Variants in RBM17 observed in about 807,000 individuals in gnomAD.
RBM17 encodes the protein RNA binding motif protein 17.
RBM17 carries 7 observed loss-of-function variants against 53.2 expected under a neutral mutation model. The ratio of observed to expected loss-of-function variants is 0.13; its 90% CI spans 0.07 to 0.25. The LOEUF (loss-of-function observed/expected upper bound fraction) is 0.25. RBM17 is among the 10% of genes least tolerant of loss of function. RBM17 has a pLI of 1.00. For missense variants in RBM17, 257 were observed against 496.7 expected (o/e 0.52, Z 4.59); for synonymous variants, 167 against 178.1 (o/e 0.94, Z 0.50).
intron 5 of RBM17, among the ~76,000 whole-genome samples, chr10:6,108,254 C>T (rs529346185): frequency 2.0e-5 from 3 of 152,224 alleles, no homozygotes; most frequent in African/African-American, 7.2e-5. Flanking sequence ...TGATCATTCT[C>T]TTATTTGTAA....
chr10:6,096,128 A>C (rs1165083433), intron 1 of RBM17, among the ~76,000 whole-genome samples: 7 of 152,110 alleles, frequency 4.6e-5, no homozygotes, highest in African/African-American at 1.7e-4. Flanking sequence ...TGTCTGTGAG[A>C]TTGATTTCTT....
rs1280187231 is a variant in RBM17 at position 6,105,169 on chromosome 10, G to A, written c.407+72G>A. 32 of 1,399,856 alleles carry A rather than the reference G, an allele frequency of 2.3e-5. 1 individual carries two copies. The South Asian group carries it at 3.3e-4, about 14-fold the overall frequency. 86.7% of individuals were successfully genotyped at this position (1,399,856 alleles called of 1,614,324 possible). On this transcript the variant is annotated intron_variant, in intron 4 of 11. Coordinates refer to ENST00000379888, the MANE Select transcript of RBM17 (RefSeq NM_032905.5). Reference sequence around the variant, plus strand: ...ATTAAAATGTTAACGAATGAGCGTCGCTGCTGTCTGTAAGGCTGAAGTTAA... The same window carrying A: ...ATTAAAATGTTAACGAATGAGCGTCACTGCTGTCTGTAAGGCTGAAGTTAA...
intron 1 of RBM17, among the ~76,000 whole-genome samples, chr10:6,095,872 G>C (rs561939909): frequency 6.6e-6 from 1 of 152,240 alleles, no homozygotes; most frequent in African/African-American, 2.4e-5. Flanking sequence ...GAGCTGAGAA[G>C]TAAGAGTACC....
At chr10:6,101,661 A>AT (rs1312931256) in intron 3 of RBM17, among the ~76,000 whole-genome samples, 1 of 152,132 alleles carries the variant, frequency 6.6e-6, no homozygotes, top group Non-Finnish European at 1.5e-5. Flanking sequence ...AAAACGTAAT[A>AT]TTTTTCCATC....
rs1840439968 is a variant in RBM17 at position 6,089,261 on chromosome 10, GA to G, written c.-19+69del. ...ACCTGAGGCGGGCGCGCCTTCCCGG[GA>G]GGCGCTAGACGCAAGCCCGCGGCTT... On this transcript the variant is annotated intron_variant, in intron 1 of 11. Transcript: ENST00000379888. The surrounding 1 kb of genome is among the most constrained non-coding windows in gnomAD (Gnocchi z 5.6). The G allele has an allele frequency of 6.6e-6, 1 of 151,886 alleles. No homozygotes were observed. Among genetic ancestry groups the G allele is most frequent in the African/African-American group, 2.4e-5 (1 of 41,394 alleles). The allele number at this position is 151,886 out of a possible 1,614,324, so 9.4% of individuals were successfully genotyped here.
chr10:6,091,329 G>C (rs1336673527), intron 1 of RBM17, among the ~76,000 whole-genome samples: 1 of 152,148 alleles, frequency 6.6e-6, no homozygotes, highest in Non-Finnish European at 1.5e-5. Flanking sequence ...AAAGTGCTGG[G>C]ATTACAGGCG....
intron 6 of RBM17, among the ~76,000 whole-genome samples, chr10:6,108,946 G>A (rs1452056356): frequency 6.6e-6 from 1 of 152,136 alleles, no homozygotes; most frequent in Non-Finnish European, 1.5e-5. Context: ...CAGGCTCTGA[G>A]GCTTGGATTT....
intron 3 of RBM17, 100 bp from the exon 4 acceptor site, chr10:6,104,831 G>A (rs1840723264): frequency 2.1e-6 from 2 of 974,150 alleles, no homozygotes; most frequent in Admixed American, 4.5e-5. Context: ...GCTAGATGAT[G>A]TTCAGAGTCC....
At chr10:6,104,787 A>G in intron 3 of RBM17, 144 bp from the exon 4 acceptor site, 1 of 641,090 alleles carries the variant, frequency 1.6e-6, no homozygotes, top group South Asian at 2.8e-5. Context: ...CTTGTCTGGT[A>G]TTTGTTTTCT....
intron 2 of RBM17, among the ~76,000 whole-genome samples, chr10:6,099,880 A>G (rs1261544710): frequency 1.3e-5 from 2 of 152,168 alleles, no homozygotes; most frequent in Non-Finnish European, 2.9e-5. Flanking sequence ...CAACATGGTG[A>G]AACCTTATCT....
In RBM17 at chr10:6,089,393, C is replaced by G. The variant is rs1477626070; in HGVS notation, c.-19+200C>G. The G allele has an allele frequency of 6.5e-6, 1 of 152,910 alleles. No homozygotes were observed. The highest frequency in any genetic ancestry group is 2.4e-5 in the African/African-American group (1 of 41,460). 9.5% of individuals were successfully genotyped at this position (152,910 alleles called of 1,614,324 possible). A position where few individuals can be genotyped will look rare whatever the true frequency, so the allele number is the denominator to read the frequency against. ...CTCTCCACGCGGCTGCGGCCCGGTA[C>G]CCTCCGCCCGCCGCCGCCTCTGGTG... On this transcript the variant is annotated intron_variant, in intron 1 of 11. Coordinates refer to ENST00000379888, the MANE Select transcript of RBM17 (RefSeq NM_032905.5). This position sits in a 1 kb window ranked among gnomAD's most constrained non-coding sequence, Gnocchi z 5.6.
chr10:6,097,672 AAAACAAAC>A lies in RBM17; in HGVS notation c.123+500_123+507del, dbSNP rs374129433. Among the ~76,000 whole-genome samples the A allele has an allele frequency of 6.7e-3, 1,015 of 152,328 alleles. 6 individuals are homozygous for A. The highest frequency in any genetic ancestry group is 9.3e-3 in the Non-Finnish European group (630 of 68,026). ...AGCGACAGAGCAAGACTCCGATTCA[AAAACAAAC>A]AAACAAACAAACAAAAAAACAGTAC... On this transcript the variant is annotated intron_variant, in intron 2 of 11. Coordinates refer to ENST00000379888, the MANE Select transcript of RBM17 (RefSeq NM_032905.5).
chr10:6,097,000 C>G (rs913391768), intron 1 of RBM17, 48 bp from the exon 2 acceptor site: 2 of 1,546,914 alleles, frequency 1.3e-6, no homozygotes, highest in African/African-American at 2.8e-5. Flanking sequence ...CATGAAAAGC[C>G]TTTATTGAAT....
intron 4 of RBM17, 143 bp from the exon 5 acceptor site, chr10:6,105,998 G>T: frequency 5.3e-6 from 3 of 571,064 alleles, no homozygotes; most frequent in South Asian, 2.4e-5. Flanking sequence ...TACCAGTTAT[G>T]CTTCCTACCC....
chr10:6,113,491 G>C lies in RBM17; in HGVS notation c.857-17G>C. On this transcript the variant is annotated splice_polypyrimidine_tract_variant and intron_variant, in intron 8 of 11. Coordinates refer to ENST00000379888, the MANE Select transcript of RBM17 (RefSeq NM_032905.5). ...TGCTCAGTTCTGTAACACATCTAAT[G>C]GTATGTTTTGATACAGATGCATCCA... is the stretch of plus-strand genomic sequence containing the variant. 6.4e-7 allele frequency: 1 copy of C among 1,567,828 alleles called. No homozygotes were observed. The highest frequency in any genetic ancestry group is 1.1e-5 in the South Asian group (1 of 89,990).
chr10:6,091,032 T>TATATATTTTC (rs1840476296), intron 1 of RBM17, among the ~76,000 whole-genome samples: 1 of 146,474 alleles, frequency 6.8e-6, no homozygotes. Flanking sequence ...TATATATATT[T>TATATATTTTC]ATATATTTTT....
intron 1 of RBM17, among the ~76,000 whole-genome samples, chr10:6,093,652 C>T (rs1173903429): frequency 6.6e-6 from 1 of 152,164 alleles, no homozygotes; most frequent in African/African-American, 2.4e-5. Context: ...GTGGCACTAA[C>T]GTATTCATAA....
chr10:6,106,564 G>C (rs566357302), intron 5 of RBM17, among the ~76,000 whole-genome samples: 138 of 152,270 alleles, frequency 9.1e-4, no homozygotes, highest in African/African-American at 2.8e-3. Context: ...TTTCTCTTAG[G>C]GGGGAAGCAT....
intron 7 of RBM17, 148 bp downstream of exon 7, chr10:6,110,275 G>A (rs548978702): frequency 4.2e-5 from 23 of 541,876 alleles, no homozygotes; most frequent in Non-Finnish European, 6.2e-5. Flanking sequence ...ATCGTGTGGA[G>A]CGTGTTCCAG....
Sources: gnomAD v4.1 joint callset for allele counts (sites outside exome capture counted in the v4.1 genomes callset) on GRCh38, gnomAD v4.1.1 for gene constraint, Gnocchi (gnomAD v3.1) non-coding constraint, MANE v1.5 for transcripts, NCBI Gene and HGNC (gene_info 2026-07-23, HGNC 2026-07-21) for gene names.